MYO9B: variants seen among roughly 807,000 people sequenced by gnomAD.
MYO9B encodes the protein unconventional myosin-IXb.
Under a neutral mutation model 229.5 loss-of-function variants are expected in MYO9B, and 71 were observed. That is an observed-to-expected ratio of 0.31 (90% confidence interval 0.26 to 0.38). The LOEUF is 0.38. Among genes scored for constraint, MYO9B ranks in the 10% least tolerant of loss-of-function variants. The pLI is 1.00. For synonymous variants in MYO9B, 1,185 were observed against 1,235.8 expected (o/e 0.96, Z 0.86); for missense variants, 2,255 against 2,920.5 (o/e 0.77, Z 5.25).
At chr19:17,123,640 C>A (rs780811490) in intron 2 of MYO9B, among the ~76,000 whole-genome samples, 1 of 152,020 alleles carries the variant, frequency 6.6e-6, no homozygotes, top group Non-Finnish European at 1.5e-5. Flanking sequence ...GGGTCTTGAA[C>A]TCAGGTGATC....
Position 17,084,580 on chromosome 19 carries a change from T to C in MYO9B, c.-59+8706T>C, listed in dbSNP as rs536980466. On this transcript the variant is annotated intron_variant, in intron 1 of 39. Transcript: ENST00000682292. ...GTCCCAACAACCCTTAATATGTCTCTGGGCCAGGCGCAGTGGCTCACATCT... is the reference window on the plus strand; with the variant it reads ...GTCCCAACAACCCTTAATATGTCTCCGGGCCAGGCGCAGTGGCTCACATCT... 2.0e-5 allele frequency among the ~76,000 whole-genome samples: 3 copies of C among 151,538 alleles called. No individual in the cohort carries two copies. The South Asian group carries it at 6.2e-4, about 32-fold the overall frequency.
intron 7 of MYO9B, among the ~76,000 whole-genome samples, chr19:17,157,927 T>C (rs143216320): frequency 1.8e-4 from 28 of 152,236 alleles, no homozygotes; most frequent in Admixed American, 9.2e-4. Context: ...CATTTTCTCA[T>C]TGGACCTGCC....
intron 15 of MYO9B, among the ~76,000 whole-genome samples, chr19:17,182,957 T>A (rs948619448): frequency 3.3e-5 from 5 of 152,026 alleles, no homozygotes; most frequent in Non-Finnish European, 5.9e-5. Context: ...AGTCTCTCTC[T>A]GTCACCCAGG....
chr19:17,210,925 G>A (rs986268929), intron 38 of MYO9B, 77 bp downstream of exon 38: 15 of 1,518,286 alleles, frequency 9.9e-6, no homozygotes, highest in East Asian at 7.5e-5. Context: ...CTGGTGGTCC[G>A]CTTGACCTCG....
intron 2 of MYO9B, among the ~76,000 whole-genome samples, chr19:17,105,150 T>G (rs1304448460): frequency 6.6e-6 from 1 of 151,776 alleles, no homozygotes; most frequent in Non-Finnish European, 1.5e-5. Context: ...TGTTGCAGGC[T>G]TTTCAGACTG....
intron 2 of MYO9B, among the ~76,000 whole-genome samples, chr19:17,107,740 C>T (rs578063508): frequency 2.0e-5 from 3 of 152,284 alleles, no homozygotes; most frequent in East Asian, 1.9e-4. Flanking sequence ...CCTGTGTGTC[C>T]ATGTCTTCAC....
rs527803600 is a variant in MYO9B at position 17,167,153 on chromosome 19, C to T, written c.1672-790C>T. ...CCAAAATCTGAAATGCTTCAATGAGCGTTGTCTTTGAGCATCACATAACAT... is the reference window on the plus strand; with the variant it reads ...CCAAAATCTGAAATGCTTCAATGAGTGTTGTCTTTGAGCATCACATAACAT... On this transcript the variant is annotated intron_variant, in intron 10 of 39. Transcript: ENST00000682292. Among the ~76,000 whole-genome samples the T allele has an allele frequency of 9.3e-5, 14 of 150,658 alleles. No homozygotes were observed. The East Asian group carries it at 1.4e-3, about 15-fold the overall frequency.
At chr19:17,117,952 A>AAG (rs1555803204) in intron 2 of MYO9B, among the ~76,000 whole-genome samples, 1 of 151,346 alleles carries the variant, frequency 6.6e-6, no homozygotes, top group Admixed American at 6.6e-5. Context: ...AAAAAAAAAA[A>AAG]AAAAAGAAAA....
At chr19:17,137,903 C>CT (rs35807019) in intron 2 of MYO9B, among the ~76,000 whole-genome samples, 7,388 of 143,824 alleles carry the variant, frequency 0.051, 645 homozygotes, top group African/African-American at 0.17. Flanking sequence ...CCATACCTGG[C>CT]TTTTTTTTTT....
rs749800191 is a variant in MYO9B, at chr19:17,192,998, C to T, written c.3064C>T (p.Arg1022Trp). ...GGGCTACTGGCAGCGGAAGCTCTACCGGCACCAGAAACAGAGCATCATCCG... is the reference window on the plus strand; with the variant it reads ...GGGCTACTGGCAGCGGAAGCTCTACTGGCACCAGAAACAGAGCATCATCCG... ...WRGYWQRKLYRHQKQSIIRLQ... is the reference protein window; with the variant it reads ...WRGYWQRKLYWHQKQSIIRLQ... Residue 1022 changes from arginine (R) to tryptophan (W), a missense_variant, in exon 21 of 40, where the codon CGG becomes TGG. Physicochemically the swap from Arg to Trp is moderately radical, Grantham distance 101. This residue lies in a region of MYO9B where 679 missense variants were observed against 770.2 expected (regional missense o/e 0.88). Coordinates refer to ENST00000682292, the MANE Select transcript of MYO9B (RefSeq NM_004145.4). 8.2e-5 allele frequency: 123 copies of T among 1,507,240 alleles called. No individual in the cohort carries two copies. The East Asian group carries it at 1.6e-3, about 20-fold the overall frequency. 93.4% of individuals were successfully genotyped at this position (1,507,240 alleles called of 1,614,324 possible). A position where few individuals can be genotyped will look rare whatever the true frequency, so the allele number is the denominator to read the frequency against.
chr19:17,177,139 T>TG (rs1361363480), intron 14 of MYO9B, among the ~76,000 whole-genome samples: 2 of 151,980 alleles, frequency 1.3e-5, no homozygotes, highest in African/African-American at 4.8e-5. Flanking sequence ...AGATGGAAGT[T>TG]GCGGTGAGCC....
chr19:17,148,760 T>G (rs983765956), intron 3 of MYO9B, among the ~76,000 whole-genome samples: 1 of 152,104 alleles, frequency 6.6e-6, no homozygotes, highest in Non-Finnish European at 1.5e-5. Flanking sequence ...ATTTTTGTAT[T>G]TTTAGTAAAG....
chr19:17,076,980 C>T (rs2057491211), intron 1 of MYO9B, among the ~76,000 whole-genome samples: 1 of 152,158 alleles, frequency 6.6e-6, no homozygotes, highest in Non-Finnish European at 1.5e-5. Flanking sequence ...GGCCAGGGGT[C>T]TTTAAGGGAT....
intron 3 of MYO9B, among the ~76,000 whole-genome samples, chr19:17,146,891 T>A (rs2072417814): frequency 6.6e-6 from 1 of 152,226 alleles, no homozygotes; most frequent in Non-Finnish European, 1.5e-5. Context: ...CCCAGGATTT[T>A]GTCTGTCTGA....
chr19:17,083,144 CCTACCTCATT>C (rs2057549817), intron 1 of MYO9B, among the ~76,000 whole-genome samples: 1 of 147,596 alleles, frequency 6.8e-6, no homozygotes, highest in African/African-American at 2.5e-5. Flanking sequence ...AAGTGATCGT[CCTACCTCATT>C]CTCCCTAGTA....
intron 33 of MYO9B, 151 bp from the exon 34 acceptor site, chr19:17,206,528 G>A: frequency 7.5e-7 from 1 of 1,325,424 alleles, no homozygotes; most frequent in Non-Finnish European, 1.0e-6. Flanking sequence ...TCCCCAGTTT[G>A]GGGTGGGGCC....
chr19:17,158,975 C>T (rs182929769), intron 7 of MYO9B, among the ~76,000 whole-genome samples: 2 of 152,274 alleles, frequency 1.3e-5, no homozygotes, highest in Non-Finnish European at 2.9e-5. Context: ...AGGCAGATCG[C>T]CCAAGGTCAG....
At chr19:17,169,883 C>A (rs998081791) in intron 11 of MYO9B, among the ~76,000 whole-genome samples, 13 of 130,694 alleles carry the variant, frequency 9.9e-5, no homozygotes, top group African/African-American at 3.4e-4. Flanking sequence ...GTGGCGCCAT[C>A]TTGGCTCAAG....
Position 17,183,730 on chromosome 19 carries a change from G to C in MYO9B, c.2334-99G>C, listed in dbSNP as rs1196523319. 3.0e-6 allele frequency: 3 copies of C among 996,032 alleles called. No homozygotes were observed. In the African/African-American group the frequency reaches 5.0e-5, roughly 16 times the overall value. 61.7% of individuals were successfully genotyped at this position (996,032 alleles called of 1,614,324 possible). On this transcript the variant is annotated intron_variant, in intron 15 of 39. Coordinates refer to ENST00000682292, the MANE Select transcript of MYO9B (RefSeq NM_004145.4). ...TTCTCACTCTCTCCCCTCTCTCTGTGTCTCTCAGTCTAACCCGCCAGGCGT... is the reference window on the plus strand; with the variant it reads ...TTCTCACTCTCTCCCCTCTCTCTGTCTCTCTCAGTCTAACCCGCCAGGCGT...
Sources: gnomAD v4.1 joint callset for allele counts (sites outside exome capture counted in the v4.1 genomes callset) on GRCh38, gnomAD v4.1.1 for gene constraint, gnomAD v4.1.1 regional missense constraint, MANE v1.5 for transcripts, NCBI Gene and HGNC (gene_info 2026-07-23, HGNC 2026-07-21) for gene names.